The following ADGRB3 variants were observed in gnomAD, a reference collection of about 807,000 sequenced individuals.
ADGRB3 encodes the protein brain-specific angiogenesis inhibitor 3.
Under a neutral mutation model 193.4 loss-of-function variants are expected in ADGRB3, and 37 were observed. The ratio of observed to expected loss-of-function variants is 0.19; its 90% CI spans 0.15 to 0.25. ADGRB3 has a LOEUF of 0.25. Among genes scored for constraint, ADGRB3 ranks in the 10% least tolerant of loss-of-function variants. The pLI, the probability that ADGRB3 is intolerant of heterozygous loss-of-function variation, is 1.00. For synonymous variants in ADGRB3, 690 were observed against 644.2 expected (o/e 1.07, Z -1.08); for missense variants, 1,637 against 1,852.9 (o/e 0.88, Z 2.14).
chr6:69,168,115 C>T (rs895186945), intron 17 of ADGRB3, among the ~76,000 whole-genome samples: 4 of 152,072 alleles, frequency 2.6e-5, no homozygotes, highest in Admixed American at 6.6e-5. Context: ...ATTGTTCTTA[C>T]CTAACTATGT....
intron 3 of ADGRB3, among the ~76,000 whole-genome samples, chr6:68,748,827 C>T (rs973492417): frequency 6.6e-6 from 1 of 152,198 alleles, no homozygotes; most frequent in Non-Finnish European, 1.5e-5. Context: ...CTGCAACAAA[C>T]TTTTCCCTGG....
chr6:69,321,622 T>A (rs1360073930), intron 20 of ADGRB3, among the ~76,000 whole-genome samples: 1 of 151,714 alleles, frequency 6.6e-6, no homozygotes, highest in Non-Finnish European at 1.5e-5. Flanking sequence ...GGATGATTGA[T>A]CACTGGGGGC....
chr6:69,277,449 C>G (rs963690873), intron 20 of ADGRB3, among the ~76,000 whole-genome samples: 1 of 152,114 alleles, frequency 6.6e-6, no homozygotes, highest in Admixed American at 6.5e-5. Flanking sequence ...ATGTGGTACA[C>G]TGGTAAATAC....
intron 3 of ADGRB3, among the ~76,000 whole-genome samples, chr6:68,801,425 T>C (rs1259044573): frequency 1.3e-5 from 2 of 152,102 alleles, no homozygotes; most frequent in African/African-American, 2.4e-5. Context: ...CAGTGGCTCA[T>C]GCCTGTAATC....
At chr6:69,257,062 C>T (rs1381581970) in intron 20 of ADGRB3, among the ~76,000 whole-genome samples, 2 of 152,112 alleles carry the variant, frequency 1.3e-5, no homozygotes, top group African/African-American at 4.8e-5. Context: ...CCCACTTGAT[C>T]ACGGTGGATA....
At chr6:69,367,772 TAAG>T (rs2127337345) in intron 29 of ADGRB3, among the ~76,000 whole-genome samples, 1 of 151,936 alleles carries the variant, frequency 6.6e-6, no homozygotes, top group South Asian at 2.1e-4. Flanking sequence ...TAGACTGGAT[TAAG>T]AAAATGTGGC....
chr6:69,277,883 A>G (rs1402677261), intron 20 of ADGRB3, among the ~76,000 whole-genome samples: 1 of 152,214 alleles, frequency 6.6e-6, no homozygotes, highest in East Asian at 1.9e-4. Flanking sequence ...ATTAAATGAT[A>G]TACTACAAGT....
intron 17 of ADGRB3, among the ~76,000 whole-genome samples, chr6:69,124,337 C>G (rs1209822073): frequency 6.6e-6 from 1 of 152,078 alleles, no homozygotes; most frequent in Admixed American, 6.6e-5. Flanking sequence ...TGGGATTTCT[C>G]TATTTCCCAT....
intron 6 of ADGRB3, among the ~76,000 whole-genome samples, chr6:68,944,885 G>A (rs1321785178): frequency 6.6e-6 from 1 of 152,108 alleles, no homozygotes; most frequent in South Asian, 2.1e-4. Flanking sequence ...ATAAGTAATC[G>A]CTCTCTTCTT....
At chr6:69,223,176 G>A (rs997985913) in intron 17 of ADGRB3, among the ~76,000 whole-genome samples, 8 of 152,098 alleles carry the variant, frequency 5.3e-5, no homozygotes, top group Non-Finnish European at 8.8e-5. Context: ...CACTCAAATA[G>A]CTGTTTATAT....
At chr6:69,266,686 A>C (rs984736067) in intron 20 of ADGRB3, among the ~76,000 whole-genome samples, 7 of 152,080 alleles carry the variant, frequency 4.6e-5, no homozygotes, top group Non-Finnish European at 7.4e-5. Flanking sequence ...ACACACAAAT[A>C]TATTGATTAT....
chr6:68,993,814 G>A lies in ADGRB3; in HGVS notation c.1781G>A (p.Gly594Glu). 1 of 1,613,960 alleles carries A rather than the reference G, an allele frequency of 6.2e-7. No homozygotes were observed. The highest frequency in any genetic ancestry group is 8.5e-7 in the Non-Finnish European group (1 of 1,179,826). The change falls in exon 11 of 32, where the codon GGA (glycine) becomes GAA (glutamate). Residue 594 changes from glycine (G) to glutamate (E), a missense_variant. Gly to Glu is a moderately conservative substitution (Grantham distance 98). This residue lies in a region of ADGRB3 where 641 missense variants were observed against 673.9 expected (regional missense o/e 0.95). Transcript: ENST00000370598. ...AKGQRMLAGD[G>E]MSQVTKTLLD... ...GGGCAGCGAATGCTGGCAGGTGATGGAATGTCCCAGGTGACCAAGACACTG... is the reference window on the plus strand; with the variant it reads ...GGGCAGCGAATGCTGGCAGGTGATGAAATGTCCCAGGTGACCAAGACACTG...
intron 31 of ADGRB3, among the ~76,000 whole-genome samples, chr6:69,386,432 A>C (rs1005995893): frequency 2.0e-5 from 3 of 152,088 alleles, no homozygotes; most frequent in Admixed American, 6.6e-5. Flanking sequence ...ATGATAAATG[A>C]GTCCACTGTG....
At chr6:68,820,047 C>T (rs1767720062) in intron 3 of ADGRB3, among the ~76,000 whole-genome samples, 1 of 152,022 alleles carries the variant, frequency 6.6e-6, no homozygotes, top group African/African-American at 2.4e-5. Flanking sequence ...ATTTTTTCCT[C>T]AAAGTAGCTT....
In ADGRB3 at chr6:69,100,569, T is replaced by G. The variant is rs933245952; in HGVS notation, c.2480+24531T>G. Among the ~76,000 whole-genome samples, 5 of 152,210 alleles carry G rather than the reference T, an allele frequency of 3.3e-5. No homozygotes were observed. The South Asian group carries it at 6.2e-4, about 19-fold the overall frequency. On this transcript the variant is annotated intron_variant, in intron 17 of 31. Coordinates refer to ENST00000370598, the MANE Select transcript of ADGRB3 (RefSeq NM_001704.3). The stretch of plus-strand genomic sequence containing the variant: ...TCTCCCATATTAAATGCTTTTTGGC[T>G]GTATGGGTCAATGGGAATACAAGAA...
At chr6:68,649,570 C>T (rs1416890272) in intron 3 of ADGRB3, among the ~76,000 whole-genome samples, 3 of 151,904 alleles carry the variant, frequency 2.0e-5, no homozygotes, top group African/African-American at 7.3e-5. Context: ...CTCAAAAAAA[C>T]GATTGATTTT....
chr6:69,083,466 T>C lies in ADGRB3; in HGVS notation c.2480+7428T>C, dbSNP rs548699330. ...GGTGTCTGGCACATATATCAGTGAA[T>C]AAACAAAAATAACTTTTTTATGAGA... On this transcript the variant is annotated intron_variant, in intron 17 of 31. Coordinates refer to ENST00000370598, the MANE Select transcript of ADGRB3 (RefSeq NM_001704.3). 2.0e-5 allele frequency among the ~76,000 whole-genome samples: 3 copies of C among 152,194 alleles called. No individual in the cohort carries two copies. The East Asian group carries it at 5.8e-4, about 29-fold the overall frequency.
chr6:68,816,899 T>C (rs116380045), intron 3 of ADGRB3, among the ~76,000 whole-genome samples: 1,919 of 152,198 alleles, frequency 0.013, 36 homozygotes, highest in African/African-American at 0.044. Flanking sequence ...ACTAATCTAA[T>C]ATAAATCTAC....
chr6:69,229,604 T>C (rs983638937), intron 17 of ADGRB3, among the ~76,000 whole-genome samples: 3 of 152,174 alleles, frequency 2.0e-5, no homozygotes, highest in African/African-American at 7.2e-5. Flanking sequence ...AAGACTGAAG[T>C]AGAATATCTA....
Sources: allele counts gnomAD v4.1 joint callset (sites outside exome capture counted in the v4.1 genomes callset), GRCh38; gene constraint gnomAD v4.1.1; regional missense constraint gnomAD v4.1.1; transcripts MANE v1.5; gene names NCBI Gene and HGNC (gene_info 2026-07-23, HGNC 2026-07-21).